The following PLEKHM3 variants were observed in gnomAD, a reference collection of about 807,000 sequenced individuals.
PLEKHM3 encodes pleckstrin homology domain-containing family M member 3.
Under a neutral mutation model 81.8 loss-of-function variants are expected in PLEKHM3, and 45 were observed. The observed-to-expected ratio is 0.55, with a 90% CI of 0.43 to 0.71. The LOEUF (loss-of-function observed/expected upper bound fraction) is 0.71. Among genes scored for constraint, PLEKHM3 ranks in the 30% least tolerant of loss-of-function variants. The pLI is 0.00. For synonymous variants in PLEKHM3, 352 were observed against 356.4 expected (o/e 0.99, Z 0.14); for missense variants, 788 against 924.3 (o/e 0.85, Z 1.91).
At chr2:207,882,172 C>T (rs2105852933) in intron 6 of PLEKHM3, among the ~76,000 whole-genome samples, 1 of 152,258 alleles carries the variant, frequency 6.6e-6, no homozygotes, top group South Asian at 2.1e-4. Context: ...GAATGGGCAG[C>T]TTTAGAAACC....
chr2:207,865,416 ACT>A (rs951167514), intron 6 of PLEKHM3, among the ~76,000 whole-genome samples: 5 of 151,362 alleles, frequency 3.3e-5, no homozygotes, highest in African/African-American at 1.2e-4. Context: ...CTCTGAAAAA[ACT>A]CTATATCCAT....
At chr2:207,928,058 G>A (rs1245312511) in intron 5 of PLEKHM3, among the ~76,000 whole-genome samples, 4 of 152,028 alleles carry the variant, frequency 2.6e-5, no homozygotes, top group South Asian at 2.1e-4. Context: ...CTCAAAAGCC[G>A]TAAAAGTACT....
At chr2:207,890,343 T>A (rs771666105) in intron 6 of PLEKHM3, among the ~76,000 whole-genome samples, 1 of 152,104 alleles carries the variant, frequency 6.6e-6, no homozygotes, top group Non-Finnish European at 1.5e-5. Flanking sequence ...TACTAAAGAA[T>A]AGAGCTGGGC....
intron 6 of PLEKHM3, among the ~76,000 whole-genome samples, chr2:207,867,078 C>T (rs921499409): frequency 1.5e-4 from 23 of 152,192 alleles, no homozygotes; most frequent in African/African-American, 5.5e-4. Flanking sequence ...ATCCCGTCTT[C>T]CAGGCACCCA....
At chr2:207,906,132 TACTTTAA>T (rs1450210454) in intron 6 of PLEKHM3, among the ~76,000 whole-genome samples, 3 of 152,218 alleles carry the variant, frequency 2.0e-5, no homozygotes, top group Non-Finnish European at 2.9e-5. Context: ...CCACCCATTG[TACTTTAA>T]ACCATCTTTA....
At chr2:207,844,212 A>G (rs1227565453) in intron 7 of PLEKHM3, among the ~76,000 whole-genome samples, 1 of 151,152 alleles carries the variant, frequency 6.6e-6, no homozygotes. Flanking sequence ...GGCTTCCAAT[A>G]TTTCCAAGGC....
chr2:207,956,597 G>T (rs890922544), intron 3 of PLEKHM3, among the ~76,000 whole-genome samples: 2 of 151,566 alleles, frequency 1.3e-5, no homozygotes, highest in Non-Finnish European at 2.9e-5. Context: ...CCAGCCTGGA[G>T]TACAGTAGTA....
chr2:207,860,149 C>CTGTG (rs1491556619), intron 7 of PLEKHM3, among the ~76,000 whole-genome samples: 34 of 63,826 alleles, frequency 5.3e-4, no homozygotes, highest in African/African-American at 1.7e-3. Context: ...TGAACTCTGC[C>CTGTG]TCTGTGTGTG....
At chr2:208,013,465 G>A (rs967295542) in intron 1 of PLEKHM3, among the ~76,000 whole-genome samples, 2 of 150,790 alleles carry the variant, frequency 1.3e-5, no homozygotes, top group East Asian at 2.0e-4. Context: ...GTGGTGAGCC[G>A]AGATCACACC....
At chr2:207,833,105 C>T (rs1411109331) in intron 7 of PLEKHM3, among the ~76,000 whole-genome samples, 2 of 130,932 alleles carry the variant, frequency 1.5e-5, no homozygotes, top group Non-Finnish European at 1.6e-5. Flanking sequence ...GAGCAAGACA[C>T]CATCTCAAAA....
At chr2:207,926,813 C>A (rs1384790774) in intron 5 of PLEKHM3, among the ~76,000 whole-genome samples, 1 of 152,158 alleles carries the variant, frequency 6.6e-6, no homozygotes, top group African/African-American at 2.4e-5. Context: ...AGGATGAATA[C>A]CGGACAGCCA....
At chr2:207,835,027 G>A (rs1377491520) in intron 7 of PLEKHM3, among the ~76,000 whole-genome samples, 1 of 150,216 alleles carries the variant, frequency 6.7e-6, no homozygotes, top group Non-Finnish European at 1.5e-5. Context: ...TGCAACCTCT[G>A]CCTTCCGGTT....
rs1211507488 is a variant in PLEKHM3, at chr2:207,966,828, C to CA, written c.1546+9822dup. On this transcript the variant is annotated intron_variant, in intron 3 of 7. Coordinates refer to ENST00000427836, the MANE Select transcript of PLEKHM3 (RefSeq NM_001080475.3). The stretch of plus-strand genomic sequence containing the variant: ...TCGGCCTCCCAAAGTGCTGGGATTA[C>CA]AGGCGTGAGCCACCCCGCACCCAGC... Among the ~76,000 whole-genome samples, 41 of 152,232 alleles carry CA rather than the reference C, an allele frequency of 2.7e-4. 1 individual carries two copies. The Middle Eastern group carries it at 0.014, about 51-fold the overall frequency.
At chr2:207,903,868 G>A (rs550250873) in intron 6 of PLEKHM3, among the ~76,000 whole-genome samples, 1 of 152,346 alleles carries the variant, frequency 6.6e-6, no homozygotes, top group South Asian at 2.1e-4. Flanking sequence ...TACGGTACAA[G>A]TCTTGCCATC....
intron 5 of PLEKHM3, among the ~76,000 whole-genome samples, chr2:207,918,255 G>A (rs537476946): frequency 1.3e-5 from 2 of 152,338 alleles, no homozygotes; most frequent in South Asian, 4.1e-4. Context: ...GGGCGTGGTG[G>A]CTCACACCTG....
At chr2:208,013,450 A>C (rs549324347) in intron 1 of PLEKHM3, among the ~76,000 whole-genome samples, 3 of 151,628 alleles carry the variant, frequency 2.0e-5, no homozygotes, top group African/African-American at 7.3e-5. Flanking sequence ...CAGGAGGCGG[A>C]GGTTGTGGTG....
At chr2:207,861,038 G>A in intron 7 of PLEKHM3, 67 bp downstream of exon 7, 1 of 1,555,462 alleles carries the variant, frequency 6.4e-7, no homozygotes. Context: ...AAGTTGGCCT[G>A]ATTTGGCCAA....
At chr2:207,851,687 C>G (rs2092413479) in intron 7 of PLEKHM3, 2 of 139,828 alleles carry the variant, frequency 1.4e-5, no homozygotes, top group Non-Finnish European at 3.0e-5. Context: ...TTGCAGTGAG[C>G]TGAGGTCGCG....
intron 7 of PLEKHM3, among the ~76,000 whole-genome samples, chr2:207,829,465 C>T (rs754164891): frequency 3.3e-4 from 50 of 152,150 alleles, no homozygotes; most frequent in Non-Finnish European, 6.9e-4. Context: ...TTAGTAGAGA[C>T]GGGGTTTTGC....
Sources: allele counts gnomAD v4.1 joint callset (sites outside exome capture counted in the v4.1 genomes callset), GRCh38; gene constraint gnomAD v4.1.1; transcripts MANE v1.5; gene names NCBI Gene and HGNC (gene_info 2026-07-23, HGNC 2026-07-21).